The following UGT1A10 variants were observed in gnomAD, a reference collection of about 807,000 sequenced individuals.
The protein encoded by UGT1A10 is UDP-glucuronosyltransferase 1A10.
In UGT1A10, 49 loss-of-function variants were observed where a neutral mutation model predicts 45.8. The observed-to-expected ratio is 1.07, with a 90% confidence interval of 0.85 to 1.36. The LOEUF is 1.36. UGT1A10 is among the 40% of genes most tolerant of loss of function. The probability of loss-of-function intolerance (pLI) is 0.00; values close to 1 mark genes in which losing one functional copy is unlikely to be tolerated. For missense variants in UGT1A10, 745 were observed against 668.6 expected, an observed-to-expected ratio of 1.11 and a Z score of -1.26; for synonymous variants, 284 against 249.7, an observed-to-expected ratio of 1.14 and a Z score of -1.29.
chr2:233,728,923 A>G (rs3806597), intron 1 of UGT1A10, among the ~76,000 whole-genome samples: 83,819 of 152,074 alleles, frequency 0.55, 25,237 homozygotes, highest in African/African-American at 0.81. Flanking sequence ...CAAGATAGTC[A>G]TGATCGGTCT....
chr2:233,646,664 C>T (rs1023887176), intron 1 of UGT1A10, among the ~76,000 whole-genome samples: 2 of 152,198 alleles, frequency 1.3e-5, no homozygotes, highest in South Asian at 2.1e-4. Flanking sequence ...CAGTTCCCAA[C>T]GAGTTCCTCA....
chr2:233,649,007 A>T, intron 1 of UGT1A10: 1 of 1,342,390 alleles, frequency 7.4e-7, no homozygotes, highest in Non-Finnish European at 1.0e-6. Flanking sequence ...AACTGCAATC[A>T]GGGAAAGCCA....
At chr2:233,732,983 C>T (rs930118681) in intron 1 of UGT1A10, among the ~76,000 whole-genome samples, 9 of 152,090 alleles carry the variant, frequency 5.9e-5, no homozygotes, top group South Asian at 2.1e-4. Flanking sequence ...TCTTTTATTT[C>T]GTTGAGCAGT....
rs200412341 is a variant in UGT1A10 at position 233,760,665 on chromosome 2, C to T, written c.856-6369C>T. The T allele has an allele frequency of 2.6e-5, 42 of 1,614,226 alleles. No individual in the cohort carries two copies. The East Asian group carries it at 8.9e-4, about 34-fold the overall frequency. On this transcript the variant is annotated intron_variant, in intron 1 of 4. Transcript: ENST00000344644. ...AGGACTCTGCTATGCTTTTGTCTGG[C>T]TGTTCCCACTTACTGCACAACAAGG...
chr2:233,721,978 G>A (rs543425926), intron 1 of UGT1A10: 60 of 269,454 alleles, frequency 2.2e-4, no homozygotes, highest in South Asian at 1.8e-3. Context: ...GATGGCCTGG[G>A]TAGTTTCACG....
chr2:233,713,925 T>C, intron 1 of UGT1A10: 1 of 1,612,092 alleles, frequency 6.2e-7, no homozygotes, highest in South Asian at 1.1e-5. Flanking sequence ...TGTATTTACT[T>C]ACAAGTGCTT....
chr2:233,685,677 T>TA (rs2074749656), intron 1 of UGT1A10, among the ~76,000 whole-genome samples: 1 of 152,234 alleles, frequency 6.6e-6, no homozygotes, highest in Admixed American at 6.5e-5. Context: ...TGTGTACCCA[T>TA]ATAGCCATTC....
intron 1 of UGT1A10, chr2:233,672,122 G>C: frequency 2.5e-6 from 4 of 1,614,208 alleles, no homozygotes; most frequent in Non-Finnish European, 3.4e-6. Context: ...CCAGAGGTGA[G>C]TTGGCAACTG....
At chr2:233,730,685 C>T (rs917184684) in intron 1 of UGT1A10, among the ~76,000 whole-genome samples, 1 of 152,042 alleles carries the variant, frequency 6.6e-6, no homozygotes, top group Admixed American at 6.6e-5. Flanking sequence ...GGTTGCATCT[C>T]AAATGATTCT....
chr2:233,697,570 T>C, intron 1 of UGT1A10, among the ~76,000 whole-genome samples: 1 of 151,918 alleles, frequency 6.6e-6, no homozygotes, highest in East Asian at 1.9e-4. Flanking sequence ...TCAATTTAAT[T>C]TATTTTTTCC....
At chr2:233,679,322 G>A (rs555260322) in intron 1 of UGT1A10, among the ~76,000 whole-genome samples, 3 of 152,294 alleles carry the variant, frequency 2.0e-5, no homozygotes, top group African/African-American at 4.8e-5. Context: ...TCCAGAAAAC[G>A]CGTTCTTATT....
chr2:233,758,920 T>C (rs1318517296), intron 1 of UGT1A10, among the ~76,000 whole-genome samples: 3 of 152,264 alleles, frequency 2.0e-5, no homozygotes, highest in Non-Finnish European at 4.4e-5. Flanking sequence ...TGCTCATCTT[T>C]CCCTTTTGAC....
intron 1 of UGT1A10, among the ~76,000 whole-genome samples, chr2:233,696,738 T>C (rs1269588837): frequency 6.6e-6 from 1 of 152,214 alleles, no homozygotes; most frequent in East Asian, 1.9e-4. Context: ...TTTACCCTTT[T>C]CAGTATGATG....
At chr2:233,661,320 A>G (rs1247633214) in intron 1 of UGT1A10, among the ~76,000 whole-genome samples, 2 of 152,116 alleles carry the variant, frequency 1.3e-5, no homozygotes, top group Admixed American at 6.6e-5. Flanking sequence ...TGTGCACACC[A>G]TGGTGCTGTC....
intron 1 of UGT1A10, among the ~76,000 whole-genome samples, chr2:233,709,465 G>T (rs891183969): frequency 1.3e-5 from 2 of 152,060 alleles, no homozygotes; most frequent in African/African-American, 4.8e-5. Flanking sequence ...CAATCATTTT[G>T]GGGCTTATAA....
intron 1 of UGT1A10, among the ~76,000 whole-genome samples, chr2:233,722,845 CTTT>C (rs61550889): frequency 7.4e-6 from 1 of 135,338 alleles, no homozygotes. Flanking sequence ...AAGAATGTTT[CTTT>C]TTTTTTTTTT....
chr2:233,719,092 G>A lies in UGT1A10; in HGVS notation c.856-47942G>A, dbSNP rs570129053. 84 of 1,614,240 alleles carry A rather than the reference G, an allele frequency of 5.2e-5. No homozygotes were observed. The highest frequency in any genetic ancestry group is 6.6e-5 in the Non-Finnish European group (78 of 1,180,038). On this transcript the variant is annotated intron_variant, in intron 1 of 4. Transcript: ENST00000344644. Reference sequence around the variant, plus strand: ...CCATGGACCCAGAAGGAATTTGATCGCGTTACGCTGGGCTACACTCAAGGG... The same window carrying A: ...CCATGGACCCAGAAGGAATTTGATCACGTTACGCTGGGCTACACTCAAGGG...
chr2:233,663,204 G>A (rs530324340), intron 1 of UGT1A10, among the ~76,000 whole-genome samples: 1 of 152,278 alleles, frequency 6.6e-6, no homozygotes, highest in East Asian at 1.9e-4. Flanking sequence ...CCTAGACAGA[G>A]TCAATATAAC....
chr2:233,666,299 C>T (rs994210972), intron 1 of UGT1A10, among the ~76,000 whole-genome samples: 3 of 152,224 alleles, frequency 2.0e-5, no homozygotes, highest in Non-Finnish European at 4.4e-5. Flanking sequence ...CCACTTTCAA[C>T]ATTAGAGATC....
Sources: gnomAD v4.1 joint callset for allele counts (sites outside exome capture counted in the v4.1 genomes callset) on GRCh38, gnomAD v4.1.1 for gene constraint, MANE v1.5 for transcripts, NCBI Gene and HGNC (gene_info 2026-07-23, HGNC 2026-07-21) for gene names.